The following C6orf52 variants were observed in gnomAD, a reference collection of about 807,000 sequenced individuals.
The protein encoded by C6orf52 is putative uncharacterized protein C6orf52.
A neutral mutation model predicts 16.6 loss-of-function variants in C6orf52; 16 were observed. The observed-to-expected ratio is 0.96, with a 90% confidence interval of 0.65 to 1.46. The LOEUF is 1.46. Ranked by LOEUF, C6orf52 falls within the 40% of genes most tolerant of loss-of-function variation. C6orf52 has a pLI of 0.00. For missense variants in C6orf52, 166 were observed against 182.3 expected, an observed-to-expected ratio of 0.91 and a Z score of 0.52; for synonymous variants, 53 against 61.4, an observed-to-expected ratio of 0.86 and a Z score of 0.64.
chr6:10,686,176 G>T (rs1451037640), intron 3 of C6orf52, among the ~76,000 whole-genome samples: 2 of 152,168 alleles, frequency 1.3e-5, no homozygotes, highest in African/African-American at 4.8e-5. Flanking sequence ...GACTACATGT[G>T]TGAGCCATCT....
Position 10,691,234 on chromosome 6 carries a change from C to T in C6orf52, c.-12+3260G>A, listed in dbSNP as rs754281189. Among the ~76,000 whole-genome samples the T allele has an allele frequency of 4.9e-4, 75 of 152,288 alleles. 1 individual carries two copies. The highest frequency in any genetic ancestry group is 6.0e-4 in the Non-Finnish European group (41 of 68,036). On this transcript the variant is annotated intron_variant, in intron 1 of 4. Coordinates refer to ENST00000259983, the MANE Select transcript of C6orf52 (RefSeq NM_001145020.3). Reference sequence around the variant, plus strand: ...AGCAGGACAAGCCGCAGACAAAACCCCTCAGCCAGCGAGTTTAAGAAAGAA... The same window carrying T: ...AGCAGGACAAGCCGCAGACAAAACCTCTCAGCCAGCGAGTTTAAGAAAGAA...
In C6orf52 at chr6:10,694,594, C is replaced by G; in HGVS notation, c.-112G>C. On this transcript the variant is annotated 5_prime_UTR_variant, in exon 1 of 5. Transcript: ENST00000259983. ...CAATGCACGCTGCCGGCGCTACAGC[C>G]CCTAAGCAACCGGCCGGAAGTCGGC... 5.6e-6 allele frequency: 1 copy of G among 179,516 alleles called. No homozygotes were observed. Among genetic ancestry groups the G allele is most frequent in the South Asian group, 9.8e-5 (1 of 10,164 alleles). The allele number at this position is 179,516 out of a possible 1,614,324, so 11.1% of individuals were successfully genotyped here.
chr6:10,689,592 G>A (rs917197178), intron 1 of C6orf52, among the ~76,000 whole-genome samples: 1 of 152,174 alleles, frequency 6.6e-6, no homozygotes, highest in Non-Finnish European at 1.5e-5. Context: ...GGTCAGTCTG[G>A]CTAAGAAGAT....
chr6:10,691,277 G>C (rs542252060), intron 1 of C6orf52, among the ~76,000 whole-genome samples: 1 of 152,272 alleles, frequency 6.6e-6, no homozygotes, highest in Admixed American at 6.5e-5. Context: ...ATTCGGCCGG[G>C]ATCTTCGGCA....
At position 10,684,943 on chromosome 6, in the gene C6orf52, C is replaced by T; in HGVS notation, c.271-1711G>A. 19 of 1,238,610 alleles carry T rather than the reference C, an allele frequency of 1.5e-5. No individual in the cohort carries two copies. The South Asian group carries it at 2.3e-4, about 15-fold the overall frequency. The allele number at this position is 1,238,610 out of a possible 1,614,324, so 76.7% of individuals were successfully genotyped here. ...GGGTCACTACAGCCACAAAAGATAA[C>T]ATATTTATATAATTCTTGTATGAAA... is the stretch of plus-strand genomic sequence containing the variant. On this transcript the variant is annotated intron_variant, in intron 3 of 4. Coordinates refer to ENST00000259983, the MANE Select transcript of C6orf52 (RefSeq NM_001145020.3).
At chr6:10,680,223 C>G (rs1768255835) in intron 4 of C6orf52, among the ~76,000 whole-genome samples, 1 of 151,968 alleles carries the variant, frequency 6.6e-6, no homozygotes, top group Non-Finnish European at 1.5e-5. Flanking sequence ...GCACTCCAAC[C>G]TGGGTGACAG....
intron 4 of C6orf52, chr6:10,672,480 G>A (rs1010767532): frequency 3.1e-6 from 2 of 648,878 alleles, no homozygotes; most frequent in Admixed American, 2.5e-5. Context: ...ATAAGAGTTG[G>A]GTGCTGGTCT....
intron 4 of C6orf52, among the ~76,000 whole-genome samples, chr6:10,679,158 G>A (rs7768406): frequency 0.033 from 5,061 of 151,778 alleles, 266 homozygotes; most frequent in African/African-American, 0.11. Context: ...AGTTTATTGC[G>A]GCTGGGCACG....
At chr6:10,687,383 TAAA>T in intron 2 of C6orf52, 94 bp downstream of exon 2, 4 of 836,450 alleles carry the variant, frequency 4.8e-6, no homozygotes, top group Non-Finnish European at 7.2e-6. Flanking sequence ...CCCAGAACTT[TAAA>T]AAAAAAAAAG....
At chr6:10,690,974 C>T (rs1225494253) in intron 1 of C6orf52, among the ~76,000 whole-genome samples, 1 of 152,154 alleles carries the variant, frequency 6.6e-6, no homozygotes, top group Non-Finnish European at 1.5e-5. Context: ...AAACTACTGC[C>T]ACAGCCATGC....
chr6:10,689,665 T>C (rs768410329), intron 1 of C6orf52, among the ~76,000 whole-genome samples: 2 of 152,160 alleles, frequency 1.3e-5, no homozygotes, highest in Non-Finnish European at 2.9e-5. Context: ...TTTGCTTAGC[T>C]GGAGGGTCTG....
chr6:10,671,751 A>G (rs1767441627), intron 4 of C6orf52, among the ~76,000 whole-genome samples, 153 bp from the exon 5 acceptor site: 1 of 152,254 alleles, frequency 6.6e-6, no homozygotes, highest in African/African-American at 2.4e-5. Flanking sequence ...TCCTTTCAAT[A>G]AGACTTGAAA....
At chr6:10,678,742 G>A (rs547329893) in intron 4 of C6orf52, among the ~76,000 whole-genome samples, 11 of 152,036 alleles carry the variant, frequency 7.2e-5, no homozygotes, top group Admixed American at 3.9e-4. Flanking sequence ...TCAGGAGTTC[G>A]ACACCAGCCT....
chr6:10,684,881 G>A (rs1768726864), intron 3 of C6orf52: 13 of 1,289,032 alleles, frequency 1.0e-5, no homozygotes, highest in Non-Finnish European at 1.3e-5. Flanking sequence ...CTTCCCAACA[G>A]GGGACACCCA....
intron 1 of C6orf52, among the ~76,000 whole-genome samples, chr6:10,689,266 C>T (rs1769093979): frequency 6.6e-6 from 1 of 152,204 alleles, no homozygotes; most frequent in South Asian, 2.1e-4. Context: ...CCACCGTGCC[C>T]GGCCTCCCAA....
chr6:10,684,725 GGACA>G, intron 3 of C6orf52: 2 of 503,450 alleles, frequency 4.0e-6, no homozygotes, highest in South Asian at 3.3e-5. Flanking sequence ...TAAAGGTTAT[GGACA>G]GAGGCACAGC....
intron 4 of C6orf52, among the ~76,000 whole-genome samples, chr6:10,676,643 T>C (rs1767910479): frequency 6.6e-6 from 1 of 152,228 alleles, no homozygotes; most frequent in Non-Finnish European, 1.5e-5. Flanking sequence ...AGCCTTCGCC[T>C]GGCATCATGT....
At chr6:10,692,207 CAG>C (rs1467044046) in intron 1 of C6orf52, among the ~76,000 whole-genome samples, 1 of 152,044 alleles carries the variant, frequency 6.6e-6, no homozygotes, top group Non-Finnish European at 1.5e-5. Flanking sequence ...TTAAAATAAA[CAG>C]ATATGTTGTG....
chr6:10,694,807 T>G, upstream of C6orf52: 1 of 555,494 alleles, frequency 1.8e-6, no homozygotes, highest in Non-Finnish European at 3.2e-6. Context: ...CCATGTGACC[T>G]CCCCGCGCTT....
Sources: allele counts gnomAD v4.1 joint callset (sites outside exome capture counted in the v4.1 genomes callset), GRCh38; gene constraint gnomAD v4.1.1; transcripts MANE v1.5; gene names NCBI Gene and HGNC (gene_info 2026-07-23, HGNC 2026-07-21).